Variants in HDAC9 observed in about 807,000 individuals in gnomAD.
HDAC9 encodes histone deacetylase 9, also known as MEF-2 interacting transcription repressor (MITR) protein.
In HDAC9, 41 loss-of-function variants were observed where a neutral mutation model predicts 139.4. The ratio of observed to expected loss-of-function variants is 0.29; its 90% CI spans 0.23 to 0.38. The LOEUF (loss-of-function observed/expected upper bound fraction) is 0.38, where lower values mean the gene tolerates loss of function less well. HDAC9 is among the 10% of genes least tolerant of loss of function. The pLI, the probability that HDAC9 is intolerant of heterozygous loss-of-function variation, is 1.00. For synonymous variants in HDAC9, 517 were observed against 476.2 expected (o/e 1.09, Z -1.12); for missense variants, 1,147 against 1,297.0 (o/e 0.88, Z 1.78).
intron 2 of HDAC9, among the ~76,000 whole-genome samples, chr7:18,163,792 A>G (rs1444639468): frequency 1.3e-5 from 2 of 152,218 alleles, no homozygotes; most frequent in Non-Finnish European, 2.9e-5. Flanking sequence ...ATATAAATTC[A>G]GTGTTTCAAA....
intron 4 of HDAC9, among the ~76,000 whole-genome samples, chr7:18,590,755 T>G (rs1009286790): frequency 1.3e-5 from 2 of 152,148 alleles, no homozygotes; most frequent in African/African-American, 4.8e-5. Flanking sequence ...ATAATGTAAT[T>G]CTAAAGCAGT....
At chr7:18,749,930 A>G (rs1788298439) in intron 14 of HDAC9, among the ~76,000 whole-genome samples, 1 of 152,086 alleles carries the variant, frequency 6.6e-6, no homozygotes, top group South Asian at 2.1e-4. Context: ...TTTACTAATT[A>G]TTTCTTTTAC....
intron 1 of HDAC9, among the ~76,000 whole-genome samples, chr7:18,364,894 TA>T (rs1208606004): frequency 3.3e-5 from 5 of 152,076 alleles, no homozygotes; most frequent in African/African-American, 1.2e-4. Flanking sequence ...ATAATACCTT[TA>T]AAATGTAGCA....
At chr7:18,621,855 A>G (rs970921134) in intron 6 of HDAC9, among the ~76,000 whole-genome samples, 4 of 152,146 alleles carry the variant, frequency 2.6e-5, no homozygotes, top group African/African-American at 9.7e-5. Context: ...TAACCTGTGT[A>G]TTTTGATTAA....
At chr7:18,283,959 T>C (rs1797270107) in intron 2 of HDAC9, among the ~76,000 whole-genome samples, 1 of 152,094 alleles carries the variant, frequency 6.6e-6, no homozygotes, top group South Asian at 2.1e-4. Context: ...AAAGAAAAAG[T>C]TAGAAAGGAG....
At position 18,752,012 on chromosome 7, in the gene HDAC9, A is replaced by C. The variant is rs529706261; in HGVS notation, c.2043+2874A>C. The stretch of plus-strand genomic sequence containing the variant: ...ATATGTTCCTTGTAGATTTCTTCTA[A>C]TATTTTTGATTTGACAAATTAAGTA... On this transcript the variant is annotated intron_variant, in intron 14 of 25. Coordinates refer to ENST00000686413, the MANE Select transcript of HDAC9 (RefSeq NM_178425.4). Among the ~76,000 whole-genome samples, 17 of 152,208 alleles carry C rather than the reference A, an allele frequency of 1.1e-4. No individual in the cohort carries two copies. In the South Asian group the frequency reaches 3.5e-3, roughly 32 times the overall value.
chr7:18,718,557 C>G (rs570856259), intron 12 of HDAC9, among the ~76,000 whole-genome samples: 11 of 152,198 alleles, frequency 7.2e-5, no homozygotes, highest in African/African-American at 2.4e-4. Context: ...TGTGACTATT[C>G]TCTCATGTTT....
At chr7:18,838,975 C>T (rs145883502) in intron 21 of HDAC9, among the ~76,000 whole-genome samples, 1 of 151,922 alleles carries the variant, frequency 6.6e-6, no homozygotes, top group Non-Finnish European at 1.5e-5. Context: ...TTCACATTTA[C>T]TGTAAGCTTT....
At chr7:18,654,884 T>A (rs1489464563) in intron 11 of HDAC9, among the ~76,000 whole-genome samples, 2 of 152,194 alleles carry the variant, frequency 1.3e-5, no homozygotes, top group African/African-American at 4.8e-5. Context: ...GACATTCAGA[T>A]ATCCTGTTGG....
intron 6 of HDAC9, among the ~76,000 whole-genome samples, chr7:18,603,441 A>G (rs1007334951): frequency 4.6e-5 from 7 of 152,018 alleles, no homozygotes; most frequent in African/African-American, 9.7e-5. Flanking sequence ...CTCTCTTAAC[A>G]TATCAATTTT....
intron 1 of HDAC9, among the ~76,000 whole-genome samples, chr7:18,392,290 GTCTC>G (rs370169850): frequency 0.029 from 2,897 of 99,518 alleles, 35 homozygotes; most frequent in Middle Eastern, 0.045. Context: ...CTCTCTCTCT[GTCTC>G]TCTCTCTCTC....
intron 12 of HDAC9, among the ~76,000 whole-genome samples, chr7:18,718,111 C>G (rs979406734): frequency 7.9e-5 from 12 of 151,746 alleles, no homozygotes; most frequent in African/African-American, 2.9e-4. Context: ...GAAACTGTAC[C>G]CATTAGCAGT....
chr7:18,425,417 A>G (rs1201847680), intron 1 of HDAC9, among the ~76,000 whole-genome samples: 2 of 152,194 alleles, frequency 1.3e-5, no homozygotes, highest in African/African-American at 4.8e-5. Flanking sequence ...AGGTGGCATG[A>G]CACATTTTCC....
intron 6 of HDAC9, among the ~76,000 whole-genome samples, chr7:18,620,584 G>T (rs540749866): frequency 1.3e-5 from 2 of 149,478 alleles, no homozygotes; most frequent in African/African-American, 5.0e-5. Context: ...CATTCACTCC[G>T]TAAACTTTTA....
intron 1 of HDAC9, among the ~76,000 whole-genome samples, chr7:18,106,607 G>A (rs746698110): frequency 6.6e-6 from 1 of 151,900 alleles, no homozygotes; most frequent in Non-Finnish European, 1.5e-5. Flanking sequence ...CACACTCTAC[G>A]ACACCTGGCT....
At chr7:18,728,586 G>C (rs1472187712) in intron 13 of HDAC9, among the ~76,000 whole-genome samples, 1 of 152,134 alleles carries the variant, frequency 6.6e-6, no homozygotes. Context: ...GTAGCCCTAA[G>C]AGACTCATAA....
chr7:18,287,988 A>G (rs932521253), upstream of HDAC9, among the ~76,000 whole-genome samples: 4 of 152,236 alleles, frequency 2.6e-5, no homozygotes, highest in Admixed American at 1.3e-4. Context: ...GGTTGCACAT[A>G]TAAAAATTGC....
At chr7:18,952,069 A>C (rs983385739) in intron 23 of HDAC9, among the ~76,000 whole-genome samples, 6 of 152,010 alleles carry the variant, frequency 3.9e-5, no homozygotes, top group Non-Finnish European at 1.5e-5. Flanking sequence ...AAAATGAAAC[A>C]AATTGGGGCA....
chr7:18,524,127 G>A lies in HDAC9; in HGVS notation c.22+27803G>A, dbSNP rs569348562. On this transcript the variant is annotated intron_variant, in intron 2 of 25. Transcript: ENST00000686413. ...CAGGATAGGTACTCAAGTATGGAAG[G>A]TATATAGAGATTGGGCCTTGGCATA... Among the ~76,000 whole-genome samples, 45 of 152,202 alleles carry A rather than the reference G, an allele frequency of 3.0e-4. No individual in the cohort carries two copies. In the Middle Eastern group the frequency reaches 0.014, roughly 46 times the overall value.
Sources: gnomAD v4.1 joint callset for allele counts (sites outside exome capture counted in the v4.1 genomes callset) on GRCh38, gnomAD v4.1.1 for gene constraint, MANE v1.5 for transcripts, NCBI Gene and HGNC (gene_info 2026-07-23, HGNC 2026-07-21) for gene names.